The following GLCCI1 variants were observed in gnomAD, a reference collection of about 807,000 sequenced individuals.
GLCCI1 encodes glucocorticoid-induced transcript 1 protein.
In GLCCI1, 24 loss-of-function variants were observed where a neutral mutation model predicts 52.2. The observed-to-expected ratio is 0.46, with a 90% CI of 0.33 to 0.65. The LOEUF (loss-of-function observed/expected upper bound fraction) is 0.65. Among genes scored for constraint, GLCCI1 ranks in the 30% least tolerant of loss-of-function variants. The probability of loss-of-function intolerance (pLI) is 0.02; values close to 1 mark genes in which losing one functional copy is unlikely to be tolerated. For synonymous variants in GLCCI1, 310 were observed against 276.5 expected, an observed-to-expected ratio of 1.12 and a Z score of -1.20; for missense variants, 704 against 701.5, an observed-to-expected ratio of 1.00 and a Z score of -0.04.
intron 2 of GLCCI1, among the ~76,000 whole-genome samples, chr7:8,017,883 A>G (rs1249601346): frequency 1.3e-5 from 2 of 152,222 alleles, no homozygotes; most frequent in East Asian, 3.8e-4. Context: ...CTGCTTTGTA[A>G]TACTTCATCA....
intron 3 of GLCCI1, among the ~76,000 whole-genome samples, chr7:8,025,355 T>G (rs1025466901): frequency 2.0e-5 from 3 of 151,672 alleles, no homozygotes; most frequent in Non-Finnish European, 4.4e-5. Flanking sequence ...AAATAAAAAA[T>G]AATAAAAGAA....
intron 3 of GLCCI1, among the ~76,000 whole-genome samples, chr7:8,028,004 A>G (rs1781659627): frequency 6.6e-6 from 1 of 152,254 alleles, no homozygotes; most frequent in Non-Finnish European, 1.5e-5. Context: ...CCCCAATACA[A>G]TAATAGCTGG....
chr7:8,040,557 CACA>C (rs1781975818), intron 3 of GLCCI1, among the ~76,000 whole-genome samples: 1 of 150,214 alleles, frequency 6.7e-6, no homozygotes, highest in African/African-American at 2.5e-5. Context: ...CACACACACA[CACA>C]CCAATGACTA....
chr7:7,986,312 A>T (rs1436074229), intron 1 of GLCCI1, among the ~76,000 whole-genome samples: 2 of 152,014 alleles, frequency 1.3e-5, no homozygotes, highest in Non-Finnish European at 2.9e-5. Context: ...GGAGATGAAG[A>T]CTATCCTGGC....
chr7:8,040,393 G>A (rs1253757388), intron 3 of GLCCI1, among the ~76,000 whole-genome samples: 1 of 151,992 alleles, frequency 6.6e-6, no homozygotes, highest in Non-Finnish European at 1.5e-5. Context: ...TGTTGAGACA[G>A]GTGGATTGCT....
chr7:8,040,979 A>G (rs568695875), intron 3 of GLCCI1, among the ~76,000 whole-genome samples: 3 of 152,258 alleles, frequency 2.0e-5, no homozygotes, highest in South Asian at 2.1e-4. Flanking sequence ...CCTCTCTCAC[A>G]TTCAGTCAAA....
intron 2 of GLCCI1, among the ~76,000 whole-genome samples, chr7:8,012,300 C>T (rs1289558886): frequency 6.6e-6 from 1 of 151,608 alleles, no homozygotes; most frequent in Non-Finnish European, 1.5e-5. Context: ...CTATTCAAGT[C>T]CTTTGTCTAT....
chr7:8,037,836 A>T (rs12234474), intron 3 of GLCCI1, among the ~76,000 whole-genome samples: 2 of 152,220 alleles, frequency 1.3e-5, no homozygotes, highest in East Asian at 1.9e-4. Context: ...CAACAAGAAG[A>T]TATAGCAATT....
intron 6 of GLCCI1, among the ~76,000 whole-genome samples, chr7:8,083,045 T>A (rs548057779): frequency 1.6e-4 from 24 of 152,324 alleles, no homozygotes; most frequent in African/African-American, 5.5e-4. Context: ...ATGCTGCTTG[T>A]GCCGTGTAGG....
At chr7:8,062,670 T>C (rs913627522) in intron 5 of GLCCI1, among the ~76,000 whole-genome samples, 3 of 152,206 alleles carry the variant, frequency 2.0e-5, no homozygotes, top group African/African-American at 7.2e-5. Context: ...TCTTTGTATC[T>C]GTATGTACTC....
intron 3 of GLCCI1, among the ~76,000 whole-genome samples, chr7:8,052,575 G>A (rs1782283005): frequency 2.6e-5 from 4 of 152,192 alleles, no homozygotes. Flanking sequence ...TGTGTGTAAT[G>A]GGTGGTCTTT....
intron 3 of GLCCI1, among the ~76,000 whole-genome samples, chr7:8,028,866 A>AT (rs1386506360): frequency 1.3e-5 from 2 of 152,196 alleles, no homozygotes; most frequent in Non-Finnish European, 2.9e-5. Flanking sequence ...AAATGAATAA[A>AT]TTCTCAGATA....
Position 7,969,844 on chromosome 7 carries a change from T to C in GLCCI1, c.457+37T>C. ...AACCCTCCCGTCCTCCCGGGCTGCG[T>C]CTCCCCGACGGTGCCCTCCGTGGAA... is the stretch of plus-strand genomic sequence containing the variant. On this transcript the variant is annotated intron_variant, in intron 1 of 7. Transcript: ENST00000223145. The surrounding 1 kb of genome is among the most constrained non-coding windows in gnomAD (Gnocchi z 4.9). 1 of 1,375,346 alleles carries C rather than the reference T, an allele frequency of 7.3e-7. No homozygotes were observed. Among genetic ancestry groups the C allele is most frequent in the Non-Finnish European group, 9.5e-7 (1 of 1,058,034 alleles). The allele number at this position is 1,375,346 out of a possible 1,614,324, so 85.2% of individuals were successfully genotyped here.
intron 4 of GLCCI1, 167 bp downstream of exon 4, chr7:8,055,716 T>G: frequency 2.0e-6 from 1 of 500,120 alleles, no homozygotes; most frequent in South Asian, 2.1e-5. Flanking sequence ...GCGGCCGGCC[T>G]TGGTGGCTCA....
chr7:8,069,788 T>C (rs1230795708), intron 5 of GLCCI1, among the ~76,000 whole-genome samples: 1 of 152,234 alleles, frequency 6.6e-6, no homozygotes, highest in Non-Finnish European at 1.5e-5. Context: ...TGATTTTACC[T>C]TCCTTCATTT....
intron 1 of GLCCI1, among the ~76,000 whole-genome samples, chr7:8,003,490 A>G (rs1191588169): frequency 6.6e-6 from 1 of 152,230 alleles, no homozygotes; most frequent in Non-Finnish European, 1.5e-5. Flanking sequence ...TAAATAATAT[A>G]GGCTTTAAAT....
intron 4 of GLCCI1, among the ~76,000 whole-genome samples, chr7:8,056,884 A>G (rs1327191846): frequency 6.6e-6 from 1 of 152,250 alleles, no homozygotes; most frequent in East Asian, 1.9e-4. Context: ...GTCTATAATT[A>G]TTGATATTAT....
chr7:8,011,619 T>C (rs1006104662), intron 2 of GLCCI1, among the ~76,000 whole-genome samples: 3 of 152,330 alleles, frequency 2.0e-5, no homozygotes, highest in South Asian at 4.1e-4. Context: ...TGTGTGGGTA[T>C]CTTTTCGAGT....
chr7:8,039,346 C>T (rs779726712), intron 3 of GLCCI1, among the ~76,000 whole-genome samples: 2 of 151,926 alleles, frequency 1.3e-5, no homozygotes, highest in Non-Finnish European at 2.9e-5. Context: ...ATTAAGTTCA[C>T]GGTAGCAAAG....
Sources: gnomAD v4.1 joint callset for allele counts (sites outside exome capture counted in the v4.1 genomes callset) on GRCh38, gnomAD v4.1.1 for gene constraint, Gnocchi (gnomAD v3.1) non-coding constraint, MANE v1.5 for transcripts, NCBI Gene and HGNC (gene_info 2026-07-23, HGNC 2026-07-21) for gene names.